The following MSRA variants were observed in gnomAD, a reference collection of about 807,000 sequenced individuals.
MSRA encodes mitochondrial peptide methionine sulfoxide reductase.
MSRA carries 54 observed loss-of-function variants against 31.3 expected under a neutral mutation model. That is an observed-to-expected ratio of 1.73 (90% confidence interval 1.39 to 2.17). The LOEUF is 2.17. Ranked by LOEUF, MSRA falls within the 30% of genes most tolerant of loss-of-function variation. The probability of loss-of-function intolerance (pLI) is 0.00; values close to 1 mark genes in which losing one functional copy is unlikely to be tolerated. For missense variants in MSRA, 507 were observed against 300.9 expected (o/e 1.69, Z -5.07); for synonymous variants, 169 against 116.5 (o/e 1.45, Z -2.90).
At chr8:10,421,759 G>A (rs1269062668) in intron 5 of MSRA, among the ~76,000 whole-genome samples, 3 of 152,156 alleles carry the variant, frequency 2.0e-5, no homozygotes, top group Non-Finnish European at 2.9e-5. Context: ...CGCTGGAGCT[G>A]GAGACCGAGC....
At chr8:10,114,666 A>T (rs1345006422) in intron 1 of MSRA, among the ~76,000 whole-genome samples, 7 of 152,226 alleles carry the variant, frequency 4.6e-5, no homozygotes, top group African/African-American at 1.7e-4. Context: ...GGATGGTGGC[A>T]AGTGGATAAT....
At chr8:10,131,465 G>A (rs1190512740) in intron 1 of MSRA, among the ~76,000 whole-genome samples, 5 of 152,230 alleles carry the variant, frequency 3.3e-5, no homozygotes, top group African/African-American at 1.2e-4. Context: ...CCATGCCGGG[G>A]AGTGGCATTC....
chr8:10,258,173 T>G lies in MSRA; in HGVS notation c.331+12950T>G, dbSNP rs149283292. ...ATTATCTGACTTGTGTAAACCCCCATAATTAGTAAGCGGCAGAGCCAGAAT... is the reference window on the plus strand; with the variant it reads ...ATTATCTGACTTGTGTAAACCCCCAGAATTAGTAAGCGGCAGAGCCAGAAT... On this transcript the variant is annotated intron_variant, in intron 3 of 5. Transcript: ENST00000317173. Among the ~76,000 whole-genome samples the G allele has an allele frequency of 7.0e-4, 107 of 152,298 alleles. 1 individual carries two copies. The East Asian group carries it at 0.018, about 25-fold the overall frequency.
intron 3 of MSRA, among the ~76,000 whole-genome samples, chr8:10,297,898 C>A (rs937759198): frequency 1.3e-5 from 2 of 152,200 alleles, no homozygotes; most frequent in African/African-American, 4.8e-5. Context: ...TTCTTGACAG[C>A]CTCGTGTCAG....
At chr8:10,084,110 A>G (rs536113203) in intron 1 of MSRA, among the ~76,000 whole-genome samples, 2 of 152,354 alleles carry the variant, frequency 1.3e-5, no homozygotes, top group African/African-American at 4.8e-5. Flanking sequence ...AGGGCCTGGC[A>G]TTTCAGCGAC....
intron 1 of MSRA, among the ~76,000 whole-genome samples, chr8:10,173,437 T>A (rs137983350): frequency 1.3e-5 from 2 of 152,352 alleles, no homozygotes; most frequent in East Asian, 3.9e-4. Context: ...AGAGGGCTCG[T>A]GTTTCAATAG....
intron 2 of MSRA, among the ~76,000 whole-genome samples, chr8:10,240,193 C>T (rs570410715): frequency 6.9e-4 from 105 of 152,210 alleles, no homozygotes; most frequent in Middle Eastern, 3.4e-3. Flanking sequence ...GGAAGGGGCC[C>T]GGTGTAATCC....
intron 3 of MSRA, chr8:10,250,451 T>G: frequency 1.4e-6 from 1 of 702,522 alleles, no homozygotes; most frequent in Non-Finnish European, 2.6e-6. Context: ...TGTTTATTAG[T>G]CTATTCAAAA....
chr8:10,168,254 A>T (rs1183677214), intron 1 of MSRA, among the ~76,000 whole-genome samples: 2 of 152,204 alleles, frequency 1.3e-5, no homozygotes, highest in Admixed American at 6.5e-5. Flanking sequence ...TTACTTTATT[A>T]ATAATCTTGG....
rs954694022 is a variant in MSRA at position 10,131,909 on chromosome 8, A to G, written c.143-75924A>G. 5.3e-5 allele frequency among the ~76,000 whole-genome samples: 8 copies of G among 152,368 alleles called. 1 individual carries two copies. In the East Asian group the frequency reaches 9.6e-4, roughly 18 times the overall value. ...TCATATTTTATTTAATTTTCTTTTA[A>G]TGGAAAAACCAGTTATACCAAATGA... On this transcript the variant is annotated intron_variant, in intron 1 of 5. Coordinates refer to ENST00000317173, the MANE Select transcript of MSRA (RefSeq NM_012331.5).
intron 5 of MSRA, among the ~76,000 whole-genome samples, chr8:10,359,825 T>A (rs1804737980): frequency 6.6e-6 from 1 of 152,144 alleles, no homozygotes; most frequent in Non-Finnish European, 1.5e-5. Flanking sequence ...TGAACAGTGG[T>A]CTTGAGTTTG....
At chr8:10,275,059 A>G (rs570890119) in intron 3 of MSRA, among the ~76,000 whole-genome samples, 5 of 149,138 alleles carry the variant, frequency 3.4e-5, no homozygotes, top group Non-Finnish European at 7.4e-5. Context: ...GTGCAAATGC[A>G]TTATTTTCAT....
chr8:10,274,061 C>T (rs1192066402), intron 3 of MSRA, among the ~76,000 whole-genome samples: 1 of 152,108 alleles, frequency 6.6e-6, no homozygotes, highest in Non-Finnish European at 1.5e-5. Flanking sequence ...CCTCCGGCGC[C>T]CTCTACTGAC....
At chr8:10,100,405 T>C (rs1473100918) in intron 1 of MSRA, among the ~76,000 whole-genome samples, 1 of 152,052 alleles carries the variant, frequency 6.6e-6, no homozygotes, top group Non-Finnish European at 1.5e-5. Flanking sequence ...CAAGTCCCCA[T>C]TGTGCTTGTG....
chr8:10,159,427 G>C (rs1310327597), intron 1 of MSRA, among the ~76,000 whole-genome samples: 1 of 152,184 alleles, frequency 6.6e-6, no homozygotes, highest in Non-Finnish European at 1.5e-5. Context: ...TCCAGAACTG[G>C]GAATGGCTGA....
chr8:10,368,213 G>A (rs1805277525), intron 5 of MSRA, among the ~76,000 whole-genome samples: 3 of 152,318 alleles, frequency 2.0e-5, no homozygotes, highest in East Asian at 1.9e-4. Context: ...TCCATACTGT[G>A]ATGATATATT....
chr8:10,167,281 C>G (rs562293493), intron 1 of MSRA, among the ~76,000 whole-genome samples: 3 of 152,122 alleles, frequency 2.0e-5, no homozygotes, highest in African/African-American at 7.2e-5. Flanking sequence ...CAAAGGCAGC[C>G]GATACTGCTC....
Position 10,339,618 on chromosome 8 carries a change from T to G in MSRA, c.543+19629T>G, listed in dbSNP as rs961904039. The stretch of plus-strand genomic sequence containing the variant: ...GTGCAGTGATGCGATCTTGGCTCAC[T>G]GCAAGCTCCGCCTCCCAGGTTCACG... On this transcript the variant is annotated intron_variant, in intron 5 of 5. Transcript: ENST00000317173. Among the ~76,000 whole-genome samples, 6 of 138,900 alleles carry G rather than the reference T, an allele frequency of 4.3e-5. No homozygotes were observed. The East Asian group carries it at 1.2e-3, about 29-fold the overall frequency. 91.1% of individuals were successfully genotyped at this position (138,900 alleles called of 152,430 possible).
intron 3 of MSRA, among the ~76,000 whole-genome samples, chr8:10,263,679 C>CTCACT (rs1798598445): frequency 6.6e-6 from 1 of 152,138 alleles, no homozygotes; most frequent in Admixed American, 6.6e-5. Context: ...GACTCAACAC[C>CTCACT]TTGGGTCTTT....
Sources: allele counts gnomAD v4.1 joint callset (sites outside exome capture counted in the v4.1 genomes callset), GRCh38; gene constraint gnomAD v4.1.1; transcripts MANE v1.5; gene names NCBI Gene and HGNC (gene_info 2026-07-23, HGNC 2026-07-21).